CALY: variants seen among roughly 807,000 people sequenced by gnomAD.
CALY encodes calcyon neuron specific vesicular protein, also known as neuron-specific vesicular protein calcyon.
In CALY, 15 loss-of-function variants were observed where a neutral mutation model predicts 20.2. That is an observed-to-expected ratio of 0.74 (90% confidence interval 0.50 to 1.14). The LOEUF (loss-of-function observed/expected upper bound fraction) is 1.14. CALY is among the 50% of genes most tolerant of loss of function. The probability of loss-of-function intolerance (pLI) is 0.00; values close to 1 mark genes in which losing one functional copy is unlikely to be tolerated. For missense variants in CALY, 270 were observed against 304.4 expected (o/e 0.89, Z 0.84); for synonymous variants, 129 against 131.8 (o/e 0.98, Z 0.15).
chr10:133,332,297 C>T (rs574289398), intron 1 of CALY, among the ~76,000 whole-genome samples: 84 of 152,280 alleles, frequency 5.5e-4, no homozygotes, highest in African/African-American at 1.9e-3. Flanking sequence ...CTCAGTAAAC[C>T]GCTGTCCACA....
Position 133,328,860 on chromosome 10 carries a change from C to G in CALY, c.130G>C (p.Asp44His). 6.4e-7 allele frequency: 1 copy of G among 1,553,240 alleles called. No individual in the cohort carries two copies. The highest frequency in any genetic ancestry group is 1.2e-5 in the South Asian group (1 of 84,314). The change falls in exon 2 of 6, where the codon GAC (aspartate) becomes CAC (histidine). Residue 44 changes from aspartate (D) to histidine (H), a missense_variant. By Grantham distance (81) the Asp-to-His change is moderately conservative (BLOSUM62 -1). Transcript: ENST00000252939. ...ACGCTGGCCCAGGCCCTCACCTGGTCAGGGAGTGGCGGCTGGAGCTGGCTG... is the reference window on the plus strand; with the variant it reads ...ACGCTGGCCCAGGCCCTCACCTGGTGAGGGAGTGGCGGCTGGAGCTGGCTG... Reference protein sequence around the residue: ...DISQLQPPLPDQVVIKTQTEY... With the variant: ...DISQLQPPLPHQVVIKTQTEY...
At chr10:133,328,430 G>C (rs1173779354) in intron 2 of CALY, among the ~76,000 whole-genome samples, 1 of 152,190 alleles carries the variant, frequency 6.6e-6, no homozygotes, top group African/African-American at 2.4e-5. Flanking sequence ...GTCAAACTGG[G>C]CTGGGCTCAA....
rs1335637409 is a variant in CALY, at chr10:133,326,308, G to A, written c.361-188C>T. On this transcript the variant is annotated intron_variant, in intron 4 of 5. Transcript: ENST00000252939. ...GGAGGGGCATGGAGCAGGAGGTCGC[G>A]CGTTGTAAGGGGAGGGGCCACCCAG... is the stretch of plus-strand genomic sequence containing the variant. 51 of 1,540,862 alleles carry A rather than the reference G, an allele frequency of 3.3e-5. No individual in the cohort carries two copies. The Admixed American group carries it at 9.6e-4, about 29-fold the overall frequency.
intron 3 of CALY, 90 bp from the exon 4 acceptor site, chr10:133,327,081 TC>T: frequency 1.2e-6 from 1 of 856,192 alleles, no homozygotes; most frequent in Non-Finnish European, 1.9e-6. Context: ...CACAGGACCA[TC>T]CCCGCCCTCC....
At position 133,325,098 on chromosome 10, in the gene CALY, TGGGG is replaced by T. The variant is rs750577407; in HGVS notation, c.*493_*496del. ...GGGCCCAGGCCCAGCACCAGGTAGATGGGGGCGGGGGGTCGGGGAACCAGCAGGA... is the reference window on the plus strand; with the variant it reads ...GGGCCCAGGCCCAGCACCAGGTAGATGCGGGGGGTCGGGGAACCAGCAGGA... On this transcript the variant is annotated 3_prime_UTR_variant, in exon 6 of 6. Coordinates refer to ENST00000252939, the MANE Select transcript of CALY (RefSeq NM_015722.4). 6.8e-6 allele frequency: 1 copy of T among 147,804 alleles called. No individual in the cohort carries two copies. Among genetic ancestry groups the T allele is most frequent in the Non-Finnish European group, 1.5e-5 (1 of 67,316 alleles). 9.2% of individuals were successfully genotyped at this position (147,804 alleles called of 1,614,324 possible).
rs1380475680 is a variant in CALY at position 133,324,663 on chromosome 10, C to T, written c.*932G>A. On this transcript the variant is annotated 3_prime_UTR_variant, in exon 6 of 6. Coordinates refer to ENST00000252939, the MANE Select transcript of CALY (RefSeq NM_015722.4). The stretch of plus-strand genomic sequence containing the variant: ...GGCGGGGCTGCAGAGCTGCTGCTGG[C>T]TGGGGTGGTGCAGGTGGTGGGTGAG... The T allele has an allele frequency of 5.7e-6, 2 of 353,864 alleles. No homozygotes were observed. The highest frequency in any genetic ancestry group is 2.3e-5 in the African/African-American group (1 of 43,906). 21.9% of individuals were successfully genotyped at this position (353,864 alleles called of 1,614,324 possible). A position where few individuals can be genotyped will look rare whatever the true frequency, so the allele number is the denominator to read the frequency against.
rs1325679515 is a variant in CALY, at chr10:133,329,389, C to CTTTTTTTTTTTTT, written c.-20-381_-20-380insAAAAAAAAAAAAA. Among the ~76,000 whole-genome samples the CTTTTTTTTTTTTT allele has an allele frequency of 2.6e-3, 262 of 99,512 alleles. 2 individuals are homozygous for CTTTTTTTTTTTTT. Among genetic ancestry groups the CTTTTTTTTTTTTT allele is most frequent in the African/African-American group, 0.01 (248 of 24,560 alleles). 65.3% of individuals were successfully genotyped at this position (99,512 alleles called of 152,430 possible). ...CTTTCTTATTCTCCTTCTTCTTCTT[C>CTTTTTTTTTTTTT]TTCTTTTTTTTTTTTGAGACAGGAT... On this transcript the variant is annotated intron_variant, in intron 1 of 5. Coordinates refer to ENST00000252939, the MANE Select transcript of CALY (RefSeq NM_015722.4).
intron 1 of CALY, among the ~76,000 whole-genome samples, chr10:133,336,350 C>G (rs1013085956): frequency 6.6e-6 from 1 of 152,172 alleles, no homozygotes; most frequent in Non-Finnish European, 1.5e-5. Flanking sequence ...GCAGACGCCC[C>G]CATCAAGCCC....
intron 1 of CALY, among the ~76,000 whole-genome samples, chr10:133,333,598 A>G (rs1848359986): frequency 6.7e-6 from 1 of 148,760 alleles, no homozygotes; most frequent in Admixed American, 6.7e-5. Flanking sequence ...AGGGTCGGAG[A>G]GCGGAGGTAT....
At chr10:133,328,124 C>T (rs540672420) in intron 2 of CALY, 109 bp from the exon 3 acceptor site, 60 of 712,970 alleles carry the variant, frequency 8.4e-5, no homozygotes, top group African/African-American at 4.3e-4. Context: ...GTGGTGTTGA[C>T]GCTGACCCAT....
At chr10:133,332,681 A>G (rs1848329271) in intron 1 of CALY, among the ~76,000 whole-genome samples, 1 of 152,168 alleles carries the variant, frequency 6.6e-6, no homozygotes, top group Admixed American at 6.5e-5. Context: ...GGTGCCTTTG[A>G]ATGGGATCTT....
At chr10:133,329,392 C>CTTCTTCTTTTTTTTTTTTTT (rs549430070) in intron 1 of CALY, among the ~76,000 whole-genome samples, 9 of 137,456 alleles carry the variant, frequency 6.5e-5, no homozygotes, top group African/African-American at 2.3e-4. Context: ...TCTTCTTCTT[C>CTTCTTCTTTTTTTTTTTTTT]TTTTTTTTTT....
intron 1 of CALY, among the ~76,000 whole-genome samples, chr10:133,330,636 T>C (rs1848289760): frequency 9.2e-6 from 1 of 109,034 alleles, no homozygotes; most frequent in African/African-American, 3.5e-5. Context: ...CCAGCCTGGG[T>C]GACAGAGAGA....
chr10:133,329,118 A>G, intron 1 of CALY, 109 bp from the exon 2 acceptor site: 1 of 931,348 alleles, frequency 1.1e-6, no homozygotes. Flanking sequence ...TCCTCACACC[A>G]GAGCCAGGGA....
chr10:133,334,278 G>A (rs140845646), intron 1 of CALY, among the ~76,000 whole-genome samples: 2 of 16 alleles, frequency 0.12, no homozygotes, highest in Admixed American at 0.5. Context: ...GACATGAGGG[G>A]GAAGGATCTG....
chr10:133,325,780 C>T lies in CALY; in HGVS notation c.*28+19G>A. The T allele has an allele frequency of 9.1e-7, 1 of 1,093,032 alleles. No individual in the cohort carries two copies. Among genetic ancestry groups the T allele is most frequent in the Non-Finnish European group, 1.1e-6 (1 of 871,544 alleles). 67.7% of individuals were successfully genotyped at this position (1,093,032 alleles called of 1,614,324 possible). A position where few individuals can be genotyped will look rare whatever the true frequency, so the allele number is the denominator to read the frequency against. ...GAGACCTGGGCAGAGCCGGCCGGAG[C>T]CCCGCGGCGCGCACCTACCCCGGGC... On this transcript the variant is annotated intron_variant, in intron 5 of 5. Coordinates refer to ENST00000252939, the MANE Select transcript of CALY (RefSeq NM_015722.4).
rs1036875589 is a variant in CALY at position 133,325,949 on chromosome 10, C to T, written c.532G>A (p.Gly178Arg). Residue 178 changes from glycine to arginine, a missense_variant, in exon 5 of 6, where the codon GGG becomes AGG. Coordinates refer to ENST00000252939, the MANE Select transcript of CALY (RefSeq NM_015722.4). ...GYRAAKEERK[G>R]PTQAGAAAAA... ...GCCGCCGCCCCAGCCTGGGTGGGCC[C>T]CTTGCGCTCCTCCTTGGCTGCGCGG... 2.7e-6 allele frequency: 4 copies of T among 1,485,726 alleles called. No individual in the cohort carries two copies. Among genetic ancestry groups the T allele is most frequent in the Admixed American group, 2.1e-5 (1 of 46,718 alleles). The allele number at this position is 1,485,726 out of a possible 1,614,324, so 92.0% of individuals were successfully genotyped here.
rs112012967 is a variant in CALY, at chr10:133,329,392, C to CTT, written c.-20-385_-20-384dup. Among the ~76,000 whole-genome samples, 161 of 137,440 alleles carry CTT rather than the reference C, an allele frequency of 1.2e-3. 1 individual carries two copies. Among genetic ancestry groups the CTT allele is most frequent in the African/African-American group, 3.0e-3 (105 of 34,540 alleles). 90.2% of individuals were successfully genotyped at this position (137,440 alleles called of 152,430 possible). The stretch of plus-strand genomic sequence containing the variant: ...TCTTATTCTCCTTCTTCTTCTTCTT[C>CTT]TTTTTTTTTTTTGAGACAGGATCTT... On this transcript the variant is annotated intron_variant, in intron 1 of 5. Coordinates refer to ENST00000252939, the MANE Select transcript of CALY (RefSeq NM_015722.4).
intron 3 of CALY, chr10:133,327,474 A>G: frequency 3.6e-6 from 2 of 561,458 alleles, no homozygotes; most frequent in Non-Finnish European, 6.3e-6. Context: ...GGCTTTGGAA[A>G]CAGTCCACTA....
Sources: gnomAD v4.1 joint callset for allele counts (sites outside exome capture counted in the v4.1 genomes callset) on GRCh38, gnomAD v4.1.1 for gene constraint, MANE v1.5 for transcripts, NCBI Gene and HGNC (gene_info 2026-07-23, HGNC 2026-07-21) for gene names.